HTR4: variants seen among roughly 807,000 people sequenced by gnomAD.
The protein encoded by HTR4 is 5-hydroxytryptamine (serotonin) receptor 4, G protein-coupled.
In HTR4, 16 loss-of-function variants were observed where a neutral mutation model predicts 36.8. That is an observed-to-expected ratio of 0.43 (90% CI 0.29 to 0.66). The LOEUF (loss-of-function observed/expected upper bound fraction) is 0.66. Ranked by LOEUF, HTR4 falls within the 30% of genes least tolerant of loss-of-function variation. HTR4 has a pLI of 0.13. For synonymous variants in HTR4, 189 were observed against 185.1 expected, an observed-to-expected ratio of 1.02 and a Z score of -0.17; for missense variants, 438 against 490.9, an observed-to-expected ratio of 0.89 and a Z score of 1.02.
At chr5:148,646,390 C>T (rs547735188) in intron 1 of HTR4, 25 of 152,344 alleles carry the variant, frequency 1.6e-4, no homozygotes, top group African/African-American at 5.5e-4. Flanking sequence ...TCTGAACCTC[C>T]TGGATTAGGA....
intron 6 of HTR4, among the ~76,000 whole-genome samples, chr5:148,504,848 A>G (rs1483320668): frequency 6.6e-6 from 1 of 152,250 alleles, no homozygotes; most frequent in African/African-American, 2.4e-5. Context: ...AACTACCATC[A>G]GAGAATACTA....
chr5:148,477,091 C>A (rs997466787), downstream of HTR4, among the ~76,000 whole-genome samples: 3 of 152,120 alleles, frequency 2.0e-5, no homozygotes, highest in African/African-American at 7.2e-5. Context: ...GGGGAAATGG[C>A]ATGCTGAAAC....
intron 2 of HTR4, among the ~76,000 whole-genome samples, chr5:148,577,891 G>A (rs548124135): frequency 3.3e-5 from 5 of 151,882 alleles, no homozygotes; most frequent in Admixed American, 3.3e-4. Flanking sequence ...TCTGGGTGAT[G>A]AAATAATCTG....
At chr5:148,543,077 C>T (rs1759200586) in intron 4 of HTR4, among the ~76,000 whole-genome samples, 1 of 152,156 alleles carries the variant, frequency 6.6e-6, no homozygotes, top group Non-Finnish European at 1.5e-5. Flanking sequence ...CCATGAGAAA[C>T]AGCACTTAGG....
At chr5:148,565,198 T>A (rs1380379242) in intron 2 of HTR4, among the ~76,000 whole-genome samples, 1 of 152,140 alleles carries the variant, frequency 6.6e-6, no homozygotes, top group African/African-American at 2.4e-5. Context: ...TAATCCTAGC[T>A]ATTAATATTC....
chr5:148,577,323 G>C (rs1365651446), intron 2 of HTR4, among the ~76,000 whole-genome samples: 4 of 152,042 alleles, frequency 2.6e-5, no homozygotes, highest in Non-Finnish European at 4.4e-5. Flanking sequence ...AATAACAGAG[G>C]CTGGTGAGGT....
chr5:148,604,327 C>T (rs1265106657), intron 2 of HTR4, among the ~76,000 whole-genome samples: 1 of 151,828 alleles, frequency 6.6e-6, no homozygotes, highest in African/African-American at 2.4e-5. Flanking sequence ...GCAATCAATT[C>T]AACAGTAAAA....
intron 5 of HTR4, among the ~76,000 whole-genome samples, chr5:148,521,658 C>T (rs536391845): frequency 6.6e-6 from 1 of 152,170 alleles, no homozygotes; most frequent in Admixed American, 6.5e-5. Flanking sequence ...CAAACACACA[C>T]ACCCATTAGT....
chr5:148,492,541 A>G (rs146091879), intron 6 of HTR4, among the ~76,000 whole-genome samples: 55 of 152,346 alleles, frequency 3.6e-4, no homozygotes, highest in East Asian at 1.2e-3. Context: ...CAGGAAGCTG[A>G]GAAAATAACT....
chr5:148,454,730 G>T (rs1755056904), intron 5 of HTR4, among the ~76,000 whole-genome samples: 1 of 152,154 alleles, frequency 6.6e-6, no homozygotes. Context: ...TGCAGGCCAG[G>T]CAAGGCAGGT....
At chr5:148,527,580 A>G (rs1268693716) in intron 4 of HTR4, among the ~76,000 whole-genome samples, 1 of 152,200 alleles carries the variant, frequency 6.6e-6, no homozygotes, top group Non-Finnish European at 1.5e-5. Context: ...AACTTAAAGG[A>G]GGATACTGTG....
intron 5 of HTR4, chr5:148,451,321 C>T (rs1241424456): frequency 1.9e-6 from 3 of 1,612,062 alleles, no homozygotes; most frequent in Non-Finnish European, 2.5e-6. Context: ...CATGCTCCAA[C>T]TGCACCGAAG....
At chr5:148,459,010 C>T (rs1755197194) in intron 5 of HTR4, among the ~76,000 whole-genome samples, 1 of 152,138 alleles carries the variant, frequency 6.6e-6, no homozygotes. Context: ...AATTTATTAT[C>T]TCGCATTTCT....
At chr5:148,475,084 C>T (rs1028768570), downstream of HTR4, among the ~76,000 whole-genome samples, 3 of 151,902 alleles carry the variant, frequency 2.0e-5, no homozygotes, top group Admixed American at 1.3e-4. Context: ...ATTTTACTTA[C>T]CCATAAAATG....
intron 4 of HTR4, among the ~76,000 whole-genome samples, chr5:148,542,819 T>C (rs924135070): frequency 1.3e-5 from 2 of 152,158 alleles, no homozygotes; most frequent in African/African-American, 2.4e-5. Flanking sequence ...CTCTGTTTTG[T>C]TGTGGAGGCT....
At chr5:148,495,744 G>C (rs1212414636) in intron 6 of HTR4, among the ~76,000 whole-genome samples, 1 of 152,174 alleles carries the variant, frequency 6.6e-6, no homozygotes, top group Admixed American at 6.5e-5. Context: ...ACTGAAGCAG[G>C]CTTCCAAAAG....
At chr5:148,541,535 T>C (rs1759115478) in intron 4 of HTR4, among the ~76,000 whole-genome samples, 1 of 152,156 alleles carries the variant, frequency 6.6e-6, no homozygotes, top group Non-Finnish European at 1.5e-5. Context: ...AATGACAAAT[T>C]TTTATGAATG....
chr5:148,514,936 C>G (rs1476433806), intron 5 of HTR4, among the ~76,000 whole-genome samples: 1 of 152,040 alleles, frequency 6.6e-6, no homozygotes, highest in East Asian at 1.9e-4. Flanking sequence ...ATGGTCCTCT[C>G]TTACAAGCAG....
chr5:148,565,158 A>G (rs1034926554), intron 2 of HTR4, among the ~76,000 whole-genome samples: 9 of 151,834 alleles, frequency 5.9e-5, no homozygotes, highest in Non-Finnish European at 1.2e-4. Context: ...AACACTTACA[A>G]TGTTGTTTGG....
Sources: allele counts gnomAD v4.1 joint callset (sites outside exome capture counted in the v4.1 genomes callset), GRCh38; gene constraint gnomAD v4.1.1; transcripts MANE v1.5; gene names NCBI Gene and HGNC (gene_info 2026-07-23, HGNC 2026-07-21).